Variants in PCDH15 observed in about 807,000 individuals in gnomAD.
PCDH15 encodes protocadherin related 15.
Under a neutral mutation model 178.5 loss-of-function variants are expected in PCDH15, and 129 were observed. The ratio of observed to expected loss-of-function variants is 0.72; its 90% CI spans 0.63 to 0.84. PCDH15 has a LOEUF of 0.84. PCDH15 is among the 40% of genes least tolerant of loss of function. The pLI is 0.00. For missense variants in PCDH15, 2,230 were observed against 2,099.9 expected, an observed-to-expected ratio of 1.06 and a Z score of -1.21; for synonymous variants, 800 against 732.0, an observed-to-expected ratio of 1.09 and a Z score of -1.50.
intron 1 of PCDH15, among the ~76,000 whole-genome samples, chr10:54,724,995 A>T (rs1164821431): frequency 6.6e-6 from 1 of 151,384 alleles, no homozygotes; most frequent in Non-Finnish European, 1.5e-5. Context: ...AACACAGCTA[A>T]TGTATACCTT....
intron 26 of PCDH15, among the ~76,000 whole-genome samples, chr10:53,902,247 G>A (rs1183620253): frequency 6.6e-6 from 1 of 152,082 alleles, no homozygotes; most frequent in African/African-American, 2.4e-5. Context: ...TAGCATAGTG[G>A]AAGAGCTATT....
intron 26 of PCDH15, among the ~76,000 whole-genome samples, chr10:53,872,520 C>T (rs538648977): frequency 6.6e-6 from 1 of 152,244 alleles, no homozygotes; most frequent in East Asian, 1.9e-4. Flanking sequence ...GAGTTGATCA[C>T]ATTGTTCTCA....
intron 20 of PCDH15, among the ~76,000 whole-genome samples, chr10:54,009,823 G>C (rs1247898132): frequency 6.6e-6 from 1 of 152,114 alleles, no homozygotes; most frequent in African/African-American, 2.4e-5. Context: ...CTCCCCACCG[G>C]TGCCTCCAGG....
intron 2 of PCDH15, among the ~76,000 whole-genome samples, chr10:55,441,055 G>T (rs140690067): frequency 7.9e-4 from 120 of 152,220 alleles, no homozygotes; most frequent in African/African-American, 2.8e-3. Flanking sequence ...ATGAGATTTG[G>T]GTGGGGACAC....
intron 3 of PCDH15, among the ~76,000 whole-genome samples, chr10:54,386,399 G>A (rs1018238657): frequency 4.6e-5 from 7 of 151,948 alleles, no homozygotes; most frequent in Non-Finnish European, 7.4e-5. Flanking sequence ...TTGCTTTAGG[G>A]TTTTCTATAT....
intron 1 of PCDH15, among the ~76,000 whole-genome samples, chr10:55,279,085 C>T (rs928252148): frequency 7.2e-5 from 11 of 152,088 alleles, no homozygotes; most frequent in Non-Finnish European, 1.6e-4. Context: ...CTTCGATGCC[C>T]GAGATGAGTG....
chr10:54,163,667 AAGT>A (rs2045933947), intron 13 of PCDH15, among the ~76,000 whole-genome samples: 1 of 152,148 alleles, frequency 6.6e-6, no homozygotes, highest in South Asian at 2.1e-4. Context: ...GAGGGATTTG[AAGT>A]TCAATAAATT....
At chr10:55,625,780 C>G (rs1333559189) in intron 2 of PCDH15, among the ~76,000 whole-genome samples, 7 of 152,162 alleles carry the variant, frequency 4.6e-5, no homozygotes, top group Admixed American at 4.6e-4. Context: ...CACACACACT[C>G]TCTCTCATAC....
chr10:55,208,680 C>T (rs555346410), intron 1 of PCDH15, among the ~76,000 whole-genome samples: 15 of 152,026 alleles, frequency 9.9e-5, no homozygotes, highest in South Asian at 4.1e-4. Flanking sequence ...TTTTGTCTGC[C>T]GGCTTTTCAC....
chr10:54,369,913 T>C (rs1243317332), intron 4 of PCDH15, among the ~76,000 whole-genome samples: 1 of 151,996 alleles, frequency 6.6e-6, no homozygotes. Context: ...TATAATACTA[T>C]GAAGTTATGT....
chr10:55,023,974 A>G (rs1282991124), intron 2 of PCDH15, among the ~76,000 whole-genome samples: 2 of 149,102 alleles, frequency 1.3e-5, no homozygotes, highest in Non-Finnish European at 3.0e-5. Context: ...GAGATTTTAT[A>G]TATATGATAT....
intron 2 of PCDH15, among the ~76,000 whole-genome samples, chr10:55,409,111 G>A (rs905569439): frequency 2.0e-5 from 3 of 152,018 alleles, no homozygotes; most frequent in African/African-American, 7.2e-5. Context: ...GTGTTCAATA[G>A]ATCAGTGACT....
At chr10:54,430,657 A>C (rs1956857786) in intron 3 of PCDH15, among the ~76,000 whole-genome samples, 1 of 152,138 alleles carries the variant, frequency 6.6e-6, no homozygotes, top group African/African-American at 2.4e-5. Context: ...TACATCAAAA[A>C]AGAAGAAAAT....
chr10:53,913,092 A>C (rs541664732), intron 25 of PCDH15, among the ~76,000 whole-genome samples: 1 of 152,278 alleles, frequency 6.6e-6, no homozygotes, highest in East Asian at 1.9e-4. Context: ...ACCAAAACAG[A>C]GATATAGACC....
intron 1 of PCDH15, among the ~76,000 whole-genome samples, chr10:54,793,529 A>T (rs1213978934): frequency 1.3e-5 from 2 of 151,724 alleles, no homozygotes; most frequent in Admixed American, 1.3e-4. Context: ...AAATTTAAAG[A>T]TACAGGTTCA....
intron 2 of PCDH15, among the ~76,000 whole-genome samples, chr10:54,648,377 T>C (rs865834154): frequency 8.5e-5 from 13 of 152,258 alleles, no homozygotes; most frequent in African/African-American, 3.1e-4. Context: ...GATTTGATTA[T>C]GTGTTTTCTT....
intron 25 of PCDH15, among the ~76,000 whole-genome samples, chr10:53,914,155 C>T (rs2083357150): frequency 1.3e-5 from 2 of 152,176 alleles, no homozygotes; most frequent in African/African-American, 2.4e-5. Flanking sequence ...AATGCTTTTA[C>T]ACTGTTGGTG....
intron 1 of PCDH15, among the ~76,000 whole-genome samples, chr10:54,720,984 T>G (rs1435297594): frequency 3.9e-5 from 6 of 152,036 alleles, no homozygotes; most frequent in African/African-American, 1.4e-4. Context: ...GACCATATGC[T>G]TAGCCATCCA....
chr10:55,045,842 T>A (rs1840990264), intron 2 of PCDH15, among the ~76,000 whole-genome samples: 1 of 152,030 alleles, frequency 6.6e-6, no homozygotes, highest in East Asian at 1.9e-4. Flanking sequence ...GCTATCATCC[T>A]GAAGCACCAT....
Sources: allele counts gnomAD v4.1 joint callset (sites outside exome capture counted in the v4.1 genomes callset), GRCh38; gene constraint gnomAD v4.1.1; transcripts MANE v1.5; gene names NCBI Gene and HGNC (gene_info 2026-07-23, HGNC 2026-07-21).